Variants in ZNF644 observed in about 807,000 individuals in gnomAD.
ZNF644 encodes zinc finger protein 644, also known as zinc finger motif enhancer binding protein 2.
In ZNF644, 20 loss-of-function variants were observed where a neutral mutation model predicts 108.0. That is an observed-to-expected ratio of 0.19 (90% CI 0.13 to 0.27). The LOEUF (loss-of-function observed/expected upper bound fraction) is 0.27, where lower values mean the gene tolerates loss of function less well. Among genes scored for constraint, ZNF644 ranks in the 10% least tolerant of loss-of-function variants. The pLI, the probability that ZNF644 is intolerant of heterozygous loss-of-function variation, is 1.00. For synonymous variants in ZNF644, 542 were observed against 539.1 expected (o/e 1.01, Z -0.08); for missense variants, 1,338 against 1,548.9 (o/e 0.86, Z 2.29).
chr1:90,989,679 G>A (rs552803850), intron 1 of ZNF644, among the ~76,000 whole-genome samples: 5 of 152,284 alleles, frequency 3.3e-5, no homozygotes, highest in African/African-American at 4.8e-5. Flanking sequence ...AAGTGTTGGC[G>A]AGAATGTGGA....
intron 4 of ZNF644, among the ~76,000 whole-genome samples, chr1:90,928,336 T>C (rs886726422): frequency 4.8e-5 from 7 of 146,726 alleles, no homozygotes; most frequent in African/African-American, 1.5e-4. Context: ...TTTTTTTTTT[T>C]TGAGGAGTTT....
chr1:90,959,402 C>T (rs1219698456), intron 2 of ZNF644, among the ~76,000 whole-genome samples: 3 of 152,270 alleles, frequency 2.0e-5, no homozygotes, highest in Admixed American at 2.0e-4. Context: ...CCTAGATATA[C>T]ATCCAGGAGA....
intron 1 of ZNF644, among the ~76,000 whole-genome samples, chr1:90,986,904 A>T (rs969385001): frequency 3.3e-5 from 5 of 151,958 alleles, no homozygotes; most frequent in Admixed American, 1.3e-4. Flanking sequence ...TGTGGAAATT[A>T]AAAAACTTAC....
At chr1:91,006,832 C>G (rs957646703) in intron 1 of ZNF644, among the ~76,000 whole-genome samples, 3 of 152,110 alleles carry the variant, frequency 2.0e-5, no homozygotes, top group East Asian at 1.9e-4. Context: ...TTTGATGGAG[C>G]CTGTGCCTTC....
intron 4 of ZNF644, among the ~76,000 whole-genome samples, chr1:90,931,345 T>G (rs2100870721): frequency 7.1e-6 from 1 of 140,970 alleles, no homozygotes; most frequent in South Asian, 2.3e-4. Flanking sequence ...TATGAGCATG[T>G]AAAACATTAA....
At chr1:90,933,237 T>A (rs1366810762) in intron 4 of ZNF644, among the ~76,000 whole-genome samples, 2 of 152,196 alleles carry the variant, frequency 1.3e-5, no homozygotes, top group Non-Finnish European at 2.9e-5. Flanking sequence ...ATTTGCATAA[T>A]CTGCTTGAAT....
chr1:90,959,253 C>G (rs593287), intron 2 of ZNF644, among the ~76,000 whole-genome samples: 18,256 of 151,970 alleles, frequency 0.12, 1,151 homozygotes, highest in South Asian at 0.16. Context: ...ACGAAAAAAC[C>G]AAAACTAACA....
intron 1 of ZNF644, among the ~76,000 whole-genome samples, chr1:90,998,714 G>C (rs1415294102): frequency 2.0e-5 from 3 of 152,236 alleles, no homozygotes; most frequent in African/African-American, 2.4e-5. Context: ...ACTTTGACGA[G>C]TTGAGAGAAG....
intron 2 of ZNF644, among the ~76,000 whole-genome samples, chr1:90,965,414 C>T (rs369792909): frequency 6.6e-6 from 1 of 152,094 alleles, no homozygotes; most frequent in South Asian, 2.1e-4. Context: ...ACTGGACAAG[C>T]CCACCCTAAT....
intron 2 of ZNF644, among the ~76,000 whole-genome samples, chr1:90,956,196 A>C (rs1653738355): frequency 6.6e-6 from 1 of 152,214 alleles, no homozygotes; most frequent in South Asian, 2.1e-4. Context: ...ATTACAATAG[A>C]AACACTGAAG....
intron 2 of ZNF644, among the ~76,000 whole-genome samples, chr1:90,955,714 A>C (rs1170628319): frequency 2.6e-5 from 4 of 152,220 alleles, no homozygotes. Flanking sequence ...GCTTAAGGGA[A>C]TGTTGTGGCT....
At chr1:90,926,602 G>A (rs1041991714) in intron 4 of ZNF644, among the ~76,000 whole-genome samples, 1 of 152,198 alleles carries the variant, frequency 6.6e-6, no homozygotes, top group East Asian at 1.9e-4. Flanking sequence ...TGACAGAGAA[G>A]TAATGAAGCC....
chr1:90,953,745 T>C (rs1005401397), intron 2 of ZNF644, among the ~76,000 whole-genome samples: 8 of 151,796 alleles, frequency 5.3e-5, no homozygotes, highest in Non-Finnish European at 7.4e-5. Context: ...GGAAATCCCA[T>C]CTCTACTAAA....
Position 91,004,456 on chromosome 1 carries a change from T to C in ZNF644, c.-18+17534A>G, listed in dbSNP as rs546214855. Among the ~76,000 whole-genome samples, 48 of 152,300 alleles carry C rather than the reference T, an allele frequency of 3.2e-4. 1 individual carries two copies. The South Asian group carries it at 6.0e-3, about 19-fold the overall frequency. On this transcript the variant is annotated intron_variant, in intron 1 of 5. Coordinates refer to ENST00000337393, the MANE Select transcript of ZNF644 (RefSeq NM_201269.3). Reference sequence around the variant, plus strand: ...CCATGAATTCTACAACTATTTTTCATAACAGAAGGAGAAATTAAGACATTT... The same window carrying C: ...CCATGAATTCTACAACTATTTTTCACAACAGAAGGAGAAATTAAGACATTT...
At chr1:90,993,791 G>C (rs1305881266) in intron 1 of ZNF644, among the ~76,000 whole-genome samples, 1 of 152,042 alleles carries the variant, frequency 6.6e-6, no homozygotes, top group African/African-American at 2.4e-5. Context: ...TAATTTTTTT[G>C]TGAAATATTG....
chr1:91,008,285 C>T (rs763080656), intron 1 of ZNF644, among the ~76,000 whole-genome samples: 3 of 152,168 alleles, frequency 2.0e-5, no homozygotes, highest in African/African-American at 4.8e-5. Context: ...GTGTTGCTTA[C>T]TTGTTATACA....
chr1:91,005,708 A>G (rs1281547075), intron 1 of ZNF644, among the ~76,000 whole-genome samples: 1 of 152,176 alleles, frequency 6.6e-6, no homozygotes, highest in Non-Finnish European at 1.5e-5. Context: ...TGCAAATCAG[A>G]AAGTATATTG....
intron 4 of ZNF644, among the ~76,000 whole-genome samples, chr1:90,933,618 CGCGCCACT>C (rs1650990274): frequency 6.6e-6 from 1 of 151,968 alleles, no homozygotes; most frequent in South Asian, 2.1e-4. Flanking sequence ...GAGCCGAGAT[CGCGCCACT>C]GCACTCCAAT....
At position 90,954,815 on chromosome 1, in the gene ZNF644, C is replaced by T. The variant is rs115417787; in HGVS notation, c.45-13506G>A. ...CAAAGTCATACATGAGGGTTGAAAT[C>T]GACTTCTTCCAAACTCATATTAATG... On this transcript the variant is annotated intron_variant, in intron 2 of 5. Transcript: ENST00000337393. Among the ~76,000 whole-genome samples, 1,237 of 152,310 alleles carry T rather than the reference C, an allele frequency of 8.1e-3. 18 individuals carry two copies. Among genetic ancestry groups the T allele is most frequent in the African/African-American group, 0.028 (1,153 of 41,574 alleles).
Sources: allele counts gnomAD v4.1 joint callset (sites outside exome capture counted in the v4.1 genomes callset), GRCh38; gene constraint gnomAD v4.1.1; transcripts MANE v1.5; gene names NCBI Gene and HGNC (gene_info 2026-07-23, HGNC 2026-07-21).